The following COL25A1 variants were observed in gnomAD, a reference collection of about 807,000 sequenced individuals.
COL25A1 encodes the protein collagen type XXV alpha 1 chain.
Under a neutral mutation model 128.4 loss-of-function variants are expected in COL25A1, and 103 were observed. The ratio of observed to expected loss-of-function variants is 0.80; its 90% CI spans 0.68 to 0.94. The LOEUF is 0.94. Ranked by LOEUF, COL25A1 falls within the 40% of genes least tolerant of loss-of-function variation. The pLI, the probability that COL25A1 is intolerant of heterozygous loss-of-function variation, is 0.00. For missense variants in COL25A1, 745 were observed against 840.0 expected (o/e 0.89, Z 1.40); for synonymous variants, 279 against 277.2 (o/e 1.01, Z -0.06).
At chr4:109,045,276 G>GT (rs1398308512) in intron 5 of COL25A1, among the ~76,000 whole-genome samples, 1 of 152,118 alleles carries the variant, frequency 6.6e-6, no homozygotes, top group Non-Finnish European at 1.5e-5. Context: ...GGAGTCAAAA[G>GT]TTATCTGTGG....
intron 3 of COL25A1, among the ~76,000 whole-genome samples, chr4:109,188,868 C>T (rs995558171): frequency 4.0e-5 from 6 of 151,516 alleles, no homozygotes; most frequent in Admixed American, 6.6e-5. Flanking sequence ...ATTAAAAGAC[C>T]ATGGGATAAA....
chr4:108,818,560 G>T (rs1731462803), intron 36 of COL25A1, among the ~76,000 whole-genome samples: 1 of 152,170 alleles, frequency 6.6e-6, no homozygotes, highest in Non-Finnish European at 1.5e-5. Flanking sequence ...CAGAATTTTA[G>T]ATTTTAGTAT....
intron 6 of COL25A1, among the ~76,000 whole-genome samples, chr4:109,004,794 A>G (rs1344067728): frequency 6.6e-6 from 1 of 152,152 alleles, no homozygotes; most frequent in Non-Finnish European, 1.5e-5. Context: ...TGCTTCCTGT[A>G]AAGCCTGCAG....
chr4:108,948,171 T>C (rs1748996458), intron 8 of COL25A1, among the ~76,000 whole-genome samples: 1 of 152,214 alleles, frequency 6.6e-6, no homozygotes, highest in Non-Finnish European at 1.5e-5. Context: ...TAGCAGAAAC[T>C]GCTAGAAGGC....
chr4:109,026,702 G>A (rs1335643166), intron 5 of COL25A1, among the ~76,000 whole-genome samples: 2 of 152,156 alleles, frequency 1.3e-5, no homozygotes, highest in African/African-American at 4.8e-5. Flanking sequence ...AGGCATATAG[G>A]GTTAAGGAAA....
chr4:108,965,855 G>A (rs1751237763), intron 8 of COL25A1, among the ~76,000 whole-genome samples: 1 of 152,098 alleles, frequency 6.6e-6, no homozygotes, highest in African/African-American at 2.4e-5. Flanking sequence ...AATAAAAGTG[G>A]AACAACAACA....
intron 22 of COL25A1, 38 bp from the exon 23 acceptor site, chr4:108,861,009 TG>T: frequency 6.4e-7 from 1 of 1,567,806 alleles, no homozygotes; most frequent in Non-Finnish European, 8.8e-7. Flanking sequence ...TAATCAGAAG[TG>T]GGGGAATCTA....
At chr4:109,083,785 T>C (rs973300514) in intron 3 of COL25A1, among the ~76,000 whole-genome samples, 1 of 152,084 alleles carries the variant, frequency 6.6e-6, no homozygotes, top group African/African-American at 2.4e-5. Flanking sequence ...ATTTTATACA[T>C]ACAAAACTAC....
intron 3 of COL25A1, among the ~76,000 whole-genome samples, chr4:109,086,954 G>A (rs1764447393): frequency 6.6e-6 from 1 of 152,190 alleles, no homozygotes; most frequent in Non-Finnish European, 1.5e-5. Context: ...AAGTGGCCCA[G>A]TGGAAGTTGA....
At chr4:108,911,217 T>C (rs1358484755) in intron 13 of COL25A1, among the ~76,000 whole-genome samples, 2 of 152,194 alleles carry the variant, frequency 1.3e-5, no homozygotes, top group Non-Finnish European at 2.9e-5. Flanking sequence ...ATCAATAATA[T>C]AGTGTTTTAG....
chr4:109,236,998 C>T (rs1779523448), intron 3 of COL25A1, among the ~76,000 whole-genome samples: 1 of 151,906 alleles, frequency 6.6e-6, no homozygotes, highest in African/African-American at 2.4e-5. Flanking sequence ...GGAAATACAT[C>T]AAAATATCTC....
intron 35 of COL25A1, among the ~76,000 whole-genome samples, chr4:108,822,785 C>A (rs1227826947): frequency 6.6e-6 from 1 of 152,084 alleles, no homozygotes; most frequent in Admixed American, 6.5e-5. Flanking sequence ...CAATTTATCT[C>A]AAAACGTATG....
intron 15 of COL25A1, among the ~76,000 whole-genome samples, 169 bp downstream of exon 15, chr4:108,898,985 A>ATATATCTCTATATCTATATATCTC (rs144167011): frequency 6.8e-6 from 1 of 146,240 alleles, no homozygotes; most frequent in South Asian, 2.1e-4. Context: ...ATCTATATCT[A>ATATATCTCTATATCTATATATCTC]TATATCTATA....
chr4:108,836,467 C>T (rs966252387), intron 31 of COL25A1, among the ~76,000 whole-genome samples: 6 of 151,984 alleles, frequency 3.9e-5, no homozygotes, highest in African/African-American at 1.5e-4. Flanking sequence ...GAGGCCGAGG[C>T]GGGAAGATTG....
rs79586010 is a variant in COL25A1, at chr4:109,053,193, A to G, written c.368-3014T>C. Among the ~76,000 whole-genome samples the G allele has an allele frequency of 1.9e-3, 284 of 152,300 alleles. 2 individuals carry two copies. Among genetic ancestry groups the G allele is most frequent in the African/African-American group, 6.6e-3 (273 of 41,568 alleles). ...TCTTCAGGATTAGAAAATTCAGGACAATTGGTACTATTCATGCTTCAGAAA... is the reference window on the plus strand; with the variant it reads ...TCTTCAGGATTAGAAAATTCAGGACGATTGGTACTATTCATGCTTCAGAAA... On this transcript the variant is annotated intron_variant, in intron 3 of 37. Transcript: ENST00000399132.
chr4:109,198,045 C>G (rs1221775583), intron 3 of COL25A1, among the ~76,000 whole-genome samples: 1 of 151,984 alleles, frequency 6.6e-6, no homozygotes, highest in Non-Finnish European at 1.5e-5. Context: ...TTATTCATGT[C>G]TTAAAAATAA....
chr4:109,093,465 A>ACAACAACAAC (rs1765120536), intron 3 of COL25A1, among the ~76,000 whole-genome samples: 1 of 133,740 alleles, frequency 7.5e-6, no homozygotes, highest in African/African-American at 2.8e-5. Context: ...ATGAAAAAAA[A>ACAACAACAAC]AAAAAAAAAA....
chr4:109,135,871 A>T (rs1363943228), intron 3 of COL25A1, among the ~76,000 whole-genome samples: 1 of 152,222 alleles, frequency 6.6e-6, no homozygotes, highest in East Asian at 1.9e-4. Context: ...AGATCCATAT[A>T]TAGAGAACAT....
chr4:108,865,382 A>C (rs1321210132), intron 20 of COL25A1, among the ~76,000 whole-genome samples: 2 of 152,192 alleles, frequency 1.3e-5, no homozygotes, highest in African/African-American at 2.4e-5. Context: ...TAGGTTAGTC[A>C]AGGGTTAAGA....
Sources: allele counts gnomAD v4.1 joint callset (sites outside exome capture counted in the v4.1 genomes callset), GRCh38; gene constraint gnomAD v4.1.1; transcripts MANE v1.5; gene names NCBI Gene and HGNC (gene_info 2026-07-23, HGNC 2026-07-21).